The following CRAT variants were observed in gnomAD, a reference collection of about 807,000 sequenced individuals.
CRAT encodes the protein carnitine O-acetyltransferase, also known as carnitine acetylase.
Under a neutral mutation model 73.7 loss-of-function variants are expected in CRAT, and 66 were observed. The ratio of observed to expected loss-of-function variants is 0.90; its 90% CI spans 0.73 to 1.10. The LOEUF is 1.10. Among genes scored for constraint, CRAT ranks in the 50% least tolerant of loss-of-function variants. The pLI is 0.00. For missense variants in CRAT, 745 were observed against 846.9 expected (o/e 0.88, Z 1.49); for synonymous variants, 321 against 343.2 (o/e 0.94, Z 0.71).
At chr9:129,099,356 A>T (rs1847509632) in intron 8 of CRAT, among the ~76,000 whole-genome samples, 4 of 144,702 alleles carry the variant, frequency 2.8e-5, no homozygotes, top group African/African-American at 7.7e-5. Flanking sequence ...CTGGTCTTGA[A>T]CTCCTGACCT....
chr9:129,095,512 A>G lies in CRAT; in HGVS notation c.1766T>C (p.Leu589Pro), dbSNP rs754702343. ...CTCCGCGCAGCTGTTGTAGGCCGAC[A>G]GGGAGAAGTTGATGTGGGCCTCCAT... ...NPMEAHINFS[L>P]SAYNSCAETN... The change falls in exon 14 of 14, where the codon CTG becomes CCG. Residue 589 changes from leucine (L) to proline (P), a missense_variant. Transcript: ENST00000318080. The G allele has an allele frequency of 5.0e-6, 8 of 1,613,364 alleles. No homozygotes were observed. Among genetic ancestry groups the G allele is most frequent in the Admixed American group, 1.7e-5 (1 of 60,002 alleles).
In CRAT at chr9:129,104,245, G is replaced by C; in HGVS notation, c.353C>G (p.Ser118Trp). Residue 118 changes from serine to tryptophan, a missense_variant, in exon 3 of 14, where the codon TCG becomes TGG. Coordinates refer to ENST00000318080, the MANE Select transcript of CRAT (RefSeq NM_000755.5). ...CTTGGGTAGCATCACGCCTGGGCTCGAGTAGATGACCACAGGCTGGCGGTA... is the reference window on the plus strand; with the variant it reads ...CTTGGGTAGCATCACGCCTGGGCTCCAGTAGATGACCACAGGCTGGCGGTA... ...LQYRQPVVIY[S>W]SPGVMLPKQD... The C allele has an allele frequency of 6.2e-7, 1 of 1,613,464 alleles. No individual in the cohort carries two copies. Among genetic ancestry groups the C allele is most frequent in the Non-Finnish European group, 8.5e-7 (1 of 1,179,750 alleles).
chr9:129,097,250 C>G lies in CRAT; in HGVS notation c.1527G>C (p.Arg509=), dbSNP rs775021243. 85 of 1,557,606 alleles carry G rather than the reference C, an allele frequency of 5.5e-5. No individual in the cohort carries two copies. Among genetic ancestry groups the G allele is most frequent in the Non-Finnish European group, 7.1e-5 (82 of 1,150,476 alleles). Residue 509 remains arginine (R), a splice_region_variant and synonymous_variant, in exon 12 of 14, where the codon CGG becomes CGC. Transcript: ENST00000318080. ...AVQAHRGYTD[R]AIRGEAFDRH... ...AGTAGGCACAAGCGGGCTCACTTAC[C>G]CGGTCGGTGTAGCCTCGGTGGGCCT...
intron 6 of CRAT, 145 bp from the exon 7 acceptor site, chr9:129,100,834 C>T: frequency 1.0e-6 from 1 of 976,726 alleles, no homozygotes; most frequent in Non-Finnish European, 1.5e-6. Flanking sequence ...CCTCGCCGGC[C>T]CTCCAGGGCA....
At chr9:129,095,942 A>T in intron 13 of CRAT, 56 bp downstream of exon 13, 1 of 1,610,308 alleles carries the variant, frequency 6.2e-7, no homozygotes, top group Non-Finnish European at 8.5e-7. Context: ...GGCCACATCA[A>T]ACTACCAGTG....
chr9:129,100,315 T>G, intron 7 of CRAT, 196 bp downstream of exon 7: 1 of 673,326 alleles, frequency 1.5e-6, no homozygotes, highest in Non-Finnish European at 2.4e-6. Context: ...GTGACAGCGG[T>G]TTCCAGGCCA....
Position 129,107,836 on chromosome 9 carries a change from C to A in CRAT, c.269G>T (p.Arg90Leu), listed in dbSNP as rs374627309. The A allele has an allele frequency of 6.2e-7, 1 of 1,612,894 alleles. No homozygotes were observed. Among genetic ancestry groups the A allele is most frequent in the East Asian group, 2.2e-5 (1 of 44,882 alleles). ...CACCCAGTTCTCCGTCTTCCTGGCC[C>A]GACGCTCCAGCCCCTTCTGCAGGCG... Reference protein sequence around the residue: ...GERLQKGLERRARKTENWLSE... With the variant: ...GERLQKGLERLARKTENWLSE... Residue 90 changes from arginine to leucine, a missense_variant, in exon 2 of 14, where the codon CGG (arginine) becomes CTG (leucine). Coordinates refer to ENST00000318080, the MANE Select transcript of CRAT (RefSeq NM_000755.5). The surrounding 1 kb of genome is among the most constrained non-coding windows in gnomAD (Gnocchi z 5.0).
At chr9:129,097,127 T>C (rs1034896463) in intron 12 of CRAT, 123 bp downstream of exon 12, 10 of 744,336 alleles carry the variant, frequency 1.3e-5, no homozygotes, top group South Asian at 2.2e-5. Context: ...TGCTCCCAGG[T>C]TGGGGGAGAT....
In CRAT at chr9:129,098,160, T is replaced by C. The variant is rs753149953; in HGVS notation, c.1329-12A>G. On this transcript the variant is annotated splice_polypyrimidine_tract_variant and intron_variant, in intron 10 of 13. Coordinates refer to ENST00000318080, the MANE Select transcript of CRAT (RefSeq NM_000755.5). ...CCTGTCCGTAGATCCTGGTGGGAAA[T>C]GGGGCTAAGCACGCCCCTTGGAGGC... The C allele has an allele frequency of 6.8e-6, 11 of 1,613,506 alleles. No individual in the cohort carries two copies. Among genetic ancestry groups the C allele is most frequent in the Non-Finnish European group, 5.1e-6 (6 of 1,179,998 alleles).
rs765221676 is a variant in CRAT at position 129,101,936 on chromosome 9, A to G, written c.752T>C (p.Leu251Pro). 1 of 1,614,032 alleles carries G rather than the reference A, an allele frequency of 6.2e-7. No individual in the cohort carries two copies. Among genetic ancestry groups the G allele is most frequent in the African/African-American group, 1.3e-5 (1 of 74,926 alleles). ...CCAGGAGTTGCGGTGGTTGGAGGTG[A>G]GGATGCCCACAGGCTCCTTGTTGGT... ...LQTNKEPVGILTSNHRNSWAK... is the reference protein window; with the variant it reads ...LQTNKEPVGIPTSNHRNSWAK... The change falls in exon 6 of 14, where the codon CTC becomes CCC. Residue 251 changes from leucine to proline, a missense_variant. Physicochemically the swap from Leu to Pro is moderately conservative, Grantham distance 98 (BLOSUM62 -3). Coordinates refer to ENST00000318080, the MANE Select transcript of CRAT (RefSeq NM_000755.5).
rs944569558 is a variant in CRAT, at chr9:129,110,105, C to T, written c.27+378G>A. ...CAACTGGACAGGGTCGGAGGAGTGG[C>T]TCTGGCCTAAGCGTGCGACGGGTGT... On this transcript the variant is annotated intron_variant, in intron 1 of 13. Coordinates refer to ENST00000318080, the MANE Select transcript of CRAT (RefSeq NM_000755.5). This position sits in a 1 kb window ranked among gnomAD's most constrained non-coding sequence, Gnocchi z 5.3. Among the ~76,000 whole-genome samples the T allele has an allele frequency of 6.6e-6, 1 of 152,114 alleles. No homozygotes were observed. Among genetic ancestry groups the T allele is most frequent in the Non-Finnish European group, 1.5e-5 (1 of 68,010 alleles).
chr9:129,104,448 C>T (rs1847876604), intron 2 of CRAT, 142 bp from the exon 3 acceptor site: 1 of 630,458 alleles, frequency 1.6e-6, no homozygotes, highest in Non-Finnish European at 2.8e-6. Context: ...ATCCAGAACC[C>T]ACCCTCCCTG....
In CRAT at chr9:129,106,656, G is replaced by GA. The variant is rs1681322840; in HGVS notation, c.291+1157dup. 1.3e-5 allele frequency among the ~76,000 whole-genome samples: 2 copies of GA among 152,168 alleles called. No homozygotes were observed. The highest frequency in any genetic ancestry group is 4.8e-5 in the African/African-American group (2 of 41,436). ...TCTTGGTTCTGGAGTCCAAAGTCCT[G>GA]ACCTGACGCGTCTCAGCAAATGTTG... On this transcript the variant is annotated intron_variant, in intron 2 of 13. Transcript: ENST00000318080. The surrounding 1 kb of genome is among the most constrained non-coding windows in gnomAD (Gnocchi z 4.0).
chr9:129,101,149 TGAGA>T (rs1847648751), intron 6 of CRAT, among the ~76,000 whole-genome samples: 2 of 152,190 alleles, frequency 1.3e-5, no homozygotes, highest in African/African-American at 4.8e-5. Flanking sequence ...GCTATTTAGC[TGAGA>T]GAAACTACCC....
Position 129,095,507 on chromosome 9 carries a change from C to T in CRAT, c.1771G>A (p.Ala591Thr), listed in dbSNP as rs1193601618. ...MEAHINFSLS[A>T]YNSCAETNAA... ...TTGGTCTCCGCGCAGCTGTTGTAGG[C>T]CGACAGGGAGAAGTTGATGTGGGCC... Residue 591 changes from alanine to threonine, a missense_variant, in exon 14 of 14, where the codon GCC becomes ACC. By Grantham distance (58) the Ala-to-Thr change is moderately conservative. Transcript: ENST00000318080. The T allele has an allele frequency of 6.2e-7, 1 of 1,613,400 alleles. No individual in the cohort carries two copies. The highest frequency in any genetic ancestry group is 8.5e-7 in the Non-Finnish European group (1 of 1,180,008).
At chr9:129,108,146 G>A in intron 1 of CRAT, 69 bp from the exon 2 acceptor site, 1 of 1,484,138 alleles carries the variant, frequency 6.7e-7, no homozygotes, top group South Asian at 1.4e-5. Flanking sequence ...CAAAGCTGTA[G>A]TCCTGGGCAC....
rs769789439 is a variant in CRAT, at chr9:129,107,978, G to T, written c.127C>A (p.Leu43Ile). ...AGGTAGTGGTCCAGGGACTGCTGGA[G>T]AGGGGGCACGGGCAGCCGTGGCAGT... ...DALPRLPVPP[L>I]QQSLDHYLKA... is the part of the protein sequence containing the mutation. Residue 43 changes from leucine to isoleucine, a missense_variant, in exon 2 of 14, where the codon CTC (leucine) becomes ATC (isoleucine). Transcript: ENST00000318080. This position sits in a 1 kb window ranked among gnomAD's most constrained non-coding sequence, Gnocchi z 5.0. 2 of 1,603,198 alleles carry T rather than the reference G, an allele frequency of 1.2e-6. No homozygotes were observed. Among genetic ancestry groups the T allele is most frequent in the Non-Finnish European group, 1.7e-6 (2 of 1,176,650 alleles).
In CRAT at chr9:129,107,322, G is replaced by T; in HGVS notation, c.291+492C>A. 2.6e-6 allele frequency: 1 copy of T among 390,412 alleles called. No individual in the cohort carries two copies. The allele number at this position is 390,412 out of a possible 1,614,324, so 24.2% of individuals were successfully genotyped here. On this transcript the variant is annotated intron_variant, in intron 2 of 13. Coordinates refer to ENST00000318080, the MANE Select transcript of CRAT (RefSeq NM_000755.5). The surrounding 1 kb of genome is among the most constrained non-coding windows in gnomAD (Gnocchi z 5.0). ...GCTGGGATTATAGGTGTGAGTCACT[G>T]CATCCAGCTGCCACTTTTTAAATCT...
chr9:129,107,740 G>A lies in CRAT; in HGVS notation c.291+74C>T. The A allele has an allele frequency of 6.2e-7, 1 of 1,603,104 alleles. No homozygotes were observed. ...CTCTGGGCAGCAAACGAACGGCCGT[G>A]CCAGAGCAGTGGGCACTGGAGAACT... is the stretch of plus-strand genomic sequence containing the variant. On this transcript the variant is annotated intron_variant, in intron 2 of 13. Transcript: ENST00000318080. The surrounding 1 kb of genome is among the most constrained non-coding windows in gnomAD (Gnocchi z 5.0).
Sources: gnomAD v4.1 joint callset for allele counts (sites outside exome capture counted in the v4.1 genomes callset) on GRCh38, gnomAD v4.1.1 for gene constraint, Gnocchi (gnomAD v3.1) non-coding constraint, MANE v1.5 for transcripts, NCBI Gene and HGNC (gene_info 2026-07-23, HGNC 2026-07-21) for gene names.